The following UBR2 variants were observed in gnomAD, a reference collection of about 807,000 sequenced individuals.
UBR2 encodes ubiquitin protein ligase E3 component n-recognin 2, also known as E3 ubiquitin-protein ligase UBR2.
In UBR2, 92 loss-of-function variants were observed where a neutral mutation model predicts 247.9. That is an observed-to-expected ratio of 0.37 (90% CI 0.31 to 0.44). The LOEUF is 0.44. UBR2 is among the 20% of genes least tolerant of loss of function. UBR2 has a pLI of 1.00. For missense variants in UBR2, 1,613 were observed against 2,112.6 expected (o/e 0.76, Z 4.64); for synonymous variants, 672 against 693.5 (o/e 0.97, Z 0.49).
intron 8 of UBR2, among the ~76,000 whole-genome samples, chr6:42,613,910 C>A (rs1016320590): frequency 4.0e-5 from 6 of 151,174 alleles, no homozygotes; most frequent in Non-Finnish European, 8.8e-5. Flanking sequence ...TGCAGTGGCT[C>A]ATGCTGGTAA....
intron 1 of UBR2, among the ~76,000 whole-genome samples, chr6:42,570,391 C>A (rs966247137): frequency 3.3e-5 from 5 of 152,102 alleles, no homozygotes; most frequent in African/African-American, 1.2e-4. Context: ...CACCACCACT[C>A]CTGGCTAATT....
At position 42,689,989 on chromosome 6, in the gene UBR2, G is replaced by A. The variant is rs928079985; in HGVS notation, c.5126+319G>A. Reference sequence around the variant, plus strand: ...CTCCAGGGATGGCCCACTCTGACTTGTATGGCCTTGTATAGAGGAAGCCCA... The same window carrying A: ...CTCCAGGGATGGCCCACTCTGACTTATATGGCCTTGTATAGAGGAAGCCCA... On this transcript the variant is annotated intron_variant, in intron 46 of 46. Transcript: ENST00000372901. The surrounding 1 kb of genome is among the most constrained non-coding windows in gnomAD (Gnocchi z 4.0). Among the ~76,000 whole-genome samples the A allele has an allele frequency of 2.6e-5, 4 of 152,188 alleles. No individual in the cohort carries two copies. Among genetic ancestry groups the A allele is most frequent in the Admixed American group, 6.5e-5 (1 of 15,278 alleles).
intron 2 of UBR2, among the ~76,000 whole-genome samples, chr6:42,588,271 A>G (rs1205676588): frequency 6.6e-6 from 1 of 152,230 alleles, no homozygotes; most frequent in African/African-American, 2.4e-5. Context: ...AAGGTGTGGG[A>G]GAAAGGGTGA....
intron 1 of UBR2, 126 bp from the exon 2 acceptor site, chr6:42,573,608 T>C (rs1791304278): frequency 9.4e-7 from 1 of 1,069,368 alleles, no homozygotes; most frequent in Non-Finnish European, 1.3e-6. Flanking sequence ...CGGTGGTGAG[T>C]GTTGTAAACA....
rs752259969 is a variant in UBR2 at position 42,670,153 on chromosome 6, G to A, written c.3943G>A (p.Val1315Met). 1.1e-5 allele frequency: 17 copies of A among 1,614,140 alleles called. No individual in the cohort carries two copies. The highest frequency in any genetic ancestry group is 8.9e-5 in the East Asian group (4 of 44,868). Residue 1315 changes from valine to methionine, a missense_variant, in exon 35 of 47, where the codon GTG becomes ATG. By Grantham distance (21) the Val-to-Met change is conservative. This residue lies in a region of UBR2 where 1,524 missense variants were observed against 1,967.3 expected (regional missense o/e 0.77). Transcript: ENST00000372901. ...GACATTTGGAACTGCTACCTACAAG[G>A]TGGGACTAAAGGTTCATCCCAATGA... is the stretch of plus-strand genomic sequence containing the variant. ...LTTFGTATYK[V>M]GLKVHPNEED...
rs755370685 is a variant in UBR2 at position 42,632,860 on chromosome 6, C to A, written c.1501C>A (p.Leu501Ile). The change falls in exon 13 of 47, where the codon CTA becomes ATA. Residue 501 changes from leucine to isoleucine, a missense_variant. By Grantham distance (5) the Leu-to-Ile change is conservative (BLOSUM62 2). This residue lies in a region of UBR2 where 1,524 missense variants were observed against 1,967.3 expected (regional missense o/e 0.77). Coordinates refer to ENST00000372901, the MANE Select transcript of UBR2 (RefSeq NM_001363705.2). ...GTCAGATGAGCTGAGGCAGAAGTTC[C>A]TAGAAGGGTTTGATGCCTTTTTGGA... is the stretch of plus-strand genomic sequence containing the variant. ...EWSDELRQKF[L>I]EGFDAFLELL... 1.2e-6 allele frequency: 2 copies of A among 1,604,742 alleles called. No individual in the cohort carries two copies. The highest frequency in any genetic ancestry group is 2.7e-5 in the African/African-American group (2 of 74,194).
chr6:42,658,568 C>T, intron 28 of UBR2, 78 bp from the exon 29 acceptor site: 1 of 1,352,918 alleles, frequency 7.4e-7, no homozygotes, highest in Non-Finnish European at 1.0e-6. Flanking sequence ...TTGGTATTTA[C>T]AGTGAAGATA....
chr6:42,565,553 TTTG>T (rs1790730166), intron 1 of UBR2, among the ~76,000 whole-genome samples: 1 of 152,020 alleles, frequency 6.6e-6, no homozygotes, highest in South Asian at 2.1e-4. Flanking sequence ...TTGGGTGTGT[TTTG>T]TTGTTGTTTG....
chr6:42,588,270 G>A (rs1285156790), intron 2 of UBR2, among the ~76,000 whole-genome samples: 2 of 152,248 alleles, frequency 1.3e-5, no homozygotes, highest in South Asian at 2.1e-4. Context: ...CAAGGTGTGG[G>A]AGAAAGGGTG....
chr6:42,661,869 G>A (rs558072325), intron 30 of UBR2, among the ~76,000 whole-genome samples: 2 of 152,328 alleles, frequency 1.3e-5, no homozygotes, highest in South Asian at 2.1e-4. Flanking sequence ...GGTACAATGG[G>A]AGGAATTGGA....
intron 1 of UBR2, among the ~76,000 whole-genome samples, chr6:42,568,717 G>A (rs9381195): frequency 0.29 from 44,064 of 151,648 alleles, 6,508 homozygotes; most frequent in Non-Finnish European, 0.32. Flanking sequence ...GCAACAGAGC[G>A]AGACTCTGTC....
rs914840340 is a variant in UBR2 at position 42,684,788 on chromosome 6, T to C, written c.4776-6T>C. On this transcript the variant is annotated splice_region_variant and splice_polypyrimidine_tract_variant and intron_variant, in intron 43 of 46. Coordinates refer to ENST00000372901, the MANE Select transcript of UBR2 (RefSeq NM_001363705.2). ...GAGTGTTCTTTAATTTTTCTCTTTT[T>C]TTCAGATATCCAAGAGAATCTAACA... 5.0e-6 allele frequency: 8 copies of C among 1,601,914 alleles called. No homozygotes were observed. Among genetic ancestry groups the C allele is most frequent in the Non-Finnish European group, 6.8e-6 (8 of 1,173,774 alleles).
chr6:42,644,426 T>C (rs1163809042), intron 19 of UBR2, 47 bp from the exon 20 acceptor site: 11 of 1,591,568 alleles, frequency 6.9e-6, no homozygotes, highest in Non-Finnish European at 9.5e-6. Context: ...GATTATGCAA[T>C]ATGCATATTC....
chr6:42,687,109 C>T (rs377460961), intron 44 of UBR2, among the ~76,000 whole-genome samples: 20 of 152,184 alleles, frequency 1.3e-4, no homozygotes, highest in East Asian at 3.9e-4. Flanking sequence ...CTGCAATCTC[C>T]GCACTTTGGG....
At chr6:42,614,403 C>CATACGTATGTAT (rs1491267926) in intron 8 of UBR2, among the ~76,000 whole-genome samples, 4 of 62,530 alleles carry the variant, frequency 6.4e-5, no homozygotes, top group African/African-American at 2.3e-4. Flanking sequence ...TACATACATA[C>CATACGTATGTAT]GTATGTATGT....
At chr6:42,648,863 G>T (rs1400605473) in intron 22 of UBR2, among the ~76,000 whole-genome samples, 1 of 151,500 alleles carries the variant, frequency 6.6e-6, no homozygotes, top group Non-Finnish European at 1.5e-5. Context: ...ACAAAAAATG[G>T]GTTCATTTCG....
intron 4 of UBR2, among the ~76,000 whole-genome samples, chr6:42,602,392 CG>C (rs1474909727): frequency 1.3e-5 from 2 of 151,586 alleles, no homozygotes; most frequent in Non-Finnish European, 2.9e-5. Flanking sequence ...TTAGTAGAGA[CG>C]GGGTTTCACT....
chr6:42,675,381 TAAG>T (rs144942196), intron 38 of UBR2, among the ~76,000 whole-genome samples: 3,035 of 152,250 alleles, frequency 0.02, 92 homozygotes, highest in African/African-American at 0.069. Flanking sequence ...AAACAGCTCA[TAAG>T]AGGAGGAGGT....
intron 1 of UBR2, among the ~76,000 whole-genome samples, chr6:42,570,617 A>G (rs796677897): frequency 2.0e-5 from 3 of 152,288 alleles, no homozygotes; most frequent in African/African-American, 7.2e-5. Flanking sequence ...ATAATATGTA[A>G]TAAAGAGTGA....
Sources: gnomAD v4.1 joint callset for allele counts (sites outside exome capture counted in the v4.1 genomes callset) on GRCh38, gnomAD v4.1.1 for gene constraint, gnomAD v4.1.1 regional missense constraint, Gnocchi (gnomAD v3.1) non-coding constraint, MANE v1.5 for transcripts, NCBI Gene and HGNC (gene_info 2026-07-23, HGNC 2026-07-21) for gene names.